PLCXD2: variants seen among roughly 807,000 people sequenced by gnomAD.
PLCXD2 encodes the protein PI-PLC X domain-containing protein 2.
Under a neutral mutation model 28.6 loss-of-function variants are expected in PLCXD2, and 21 were observed. The ratio of observed to expected loss-of-function variants is 0.73; its 90% confidence interval spans 0.52 to 1.06. The LOEUF (loss-of-function observed/expected upper bound fraction) is 1.06, where lower values mean the gene tolerates loss of function less well. Among genes scored for constraint, PLCXD2 ranks in the 50% least tolerant of loss-of-function variants. The probability of loss-of-function intolerance (pLI) is 0.00; values close to 1 mark genes in which losing one functional copy is unlikely to be tolerated. For synonymous variants in PLCXD2, 140 were observed against 150.1 expected, an observed-to-expected ratio of 0.93 and a Z score of 0.49; for missense variants, 369 against 376.7, an observed-to-expected ratio of 0.98 and a Z score of 0.17.
At chr3:111,716,994 A>C (rs1024292704) in intron 3 of PLCXD2, among the ~76,000 whole-genome samples, 2 of 152,210 alleles carry the variant, frequency 1.3e-5, no homozygotes, top group Admixed American at 6.5e-5. Flanking sequence ...CTCAGGAGAC[A>C]TGAAATCTGA....
chr3:111,697,958 C>G (rs544388907), intron 1 of PLCXD2, among the ~76,000 whole-genome samples: 18 of 152,148 alleles, frequency 1.2e-4, no homozygotes, highest in African/African-American at 4.3e-4. Context: ...AAACTTACTC[C>G]TTTTGATGTT....
At chr3:111,688,252 C>T (rs1420811744) in intron 1 of PLCXD2, among the ~76,000 whole-genome samples, 1 of 152,156 alleles carries the variant, frequency 6.6e-6, no homozygotes, top group African/African-American at 2.4e-5. Context: ...CTTAAGATCA[C>T]CCTTGTTTGA....
chr3:111,723,931 T>C (rs545617794), intron 3 of PLCXD2: 9 of 152,322 alleles, frequency 5.9e-5, no homozygotes, highest in Non-Finnish European at 1.2e-4. Context: ...AAGAGGACTT[T>C]AGTTTCACAG....
intron 3 of PLCXD2, among the ~76,000 whole-genome samples, chr3:111,720,383 C>T (rs1027724201): frequency 6.6e-6 from 1 of 152,216 alleles, no homozygotes; most frequent in East Asian, 1.9e-4. Context: ...GATCCACCCA[C>T]CTCAGCCCCC....
At chr3:111,701,180 C>T (rs1941037060) in intron 1 of PLCXD2, among the ~76,000 whole-genome samples, 1 of 152,190 alleles carries the variant, frequency 6.6e-6, no homozygotes, top group African/African-American at 2.4e-5. Flanking sequence ...GCAATAATTA[C>T]AGTTCAGCAC....
At chr3:111,682,818 T>A (rs1348854226) in intron 1 of PLCXD2, among the ~76,000 whole-genome samples, 1 of 152,220 alleles carries the variant, frequency 6.6e-6, no homozygotes, top group Non-Finnish European at 1.5e-5. Context: ...TAGGTGTCCA[T>A]ATGGATCCTC....
Position 111,714,074 on chromosome 3 carries a change from T to C in PLCXD2, c.812T>C (p.Val271Ala), listed in dbSNP as rs763399667. The change falls in exon 3 of 5, where the codon GTG becomes GCG. Residue 271 changes from valine to alanine, a missense_variant. Transcript: ENST00000477665. ...TCCCAAGCGATCCTCACCCCCAGAGTGAAGACCATTGCCCGGGGCTTGGTT... is the reference window on the plus strand; with the variant it reads ...TCCCAAGCGATCCTCACCCCCAGAGCGAAGACCATTGCCCGGGGCTTGGTT... 5 of 1,613,994 alleles carry C rather than the reference T, an allele frequency of 3.1e-6. No homozygotes were observed. The African/African-American group carries it at 6.7e-5, about 22-fold the overall frequency.
At chr3:111,697,997 C>T (rs962284580) in intron 1 of PLCXD2, among the ~76,000 whole-genome samples, 6 of 152,122 alleles carry the variant, frequency 3.9e-5, no homozygotes, top group African/African-American at 1.4e-4. Flanking sequence ...AAATAAATGA[C>T]TTAAACTACA....
chr3:111,712,525 T>G (rs1038153299), intron 2 of PLCXD2, among the ~76,000 whole-genome samples: 2 of 152,208 alleles, frequency 1.3e-5, no homozygotes, highest in Non-Finnish European at 2.9e-5. Flanking sequence ...ACAGACGTCA[T>G]TAGCAGTCAG....
chr3:111,707,294 A>T (rs1941134634), intron 1 of PLCXD2, among the ~76,000 whole-genome samples: 1 of 152,208 alleles, frequency 6.6e-6, no homozygotes, highest in African/African-American at 2.4e-5. Context: ...TAGTAAAATA[A>T]TATATACAAT....
intron 1 of PLCXD2, among the ~76,000 whole-genome samples, chr3:111,694,064 C>T (rs945960521): frequency 6.6e-5 from 10 of 152,230 alleles, no homozygotes; most frequent in Non-Finnish European, 1.2e-4. Context: ...TGAAAGTATA[C>T]TGCAGCTTTG....
rs117185681 is a variant in PLCXD2, at chr3:111,684,527, G to A, written c.163+9119G>A. ...AAATTAGCCAGGCATGATGGCGGGC[G>A]TCTGTAATTCCAGCTACCTGGGAGA... is the stretch of plus-strand genomic sequence containing the variant. On this transcript the variant is annotated intron_variant, in intron 1 of 4. Coordinates refer to ENST00000477665, the MANE Select transcript of PLCXD2 (RefSeq NM_001185106.1). 5.6e-3 allele frequency among the ~76,000 whole-genome samples: 850 copies of A among 151,704 alleles called. 3 individuals carry two copies. The highest frequency in any genetic ancestry group is 0.015 in the East Asian group (76 of 5,142).
At chr3:111,677,917 C>T (rs1386582281) in intron 1 of PLCXD2, among the ~76,000 whole-genome samples, 1 of 152,030 alleles carries the variant, frequency 6.6e-6, no homozygotes, top group Admixed American at 6.5e-5. Flanking sequence ...TATACATATG[C>T]CTGTTTAGAA....
intron 1 of PLCXD2, among the ~76,000 whole-genome samples, chr3:111,685,502 G>T (rs897453474): frequency 2.0e-5 from 3 of 152,108 alleles, no homozygotes; most frequent in Admixed American, 1.3e-4. Flanking sequence ...GACATCTCAG[G>T]TTGCACCAAT....
chr3:111,677,009 A>T (rs1312334887), intron 1 of PLCXD2: 1 of 152,306 alleles, frequency 6.6e-6, no homozygotes, highest in Non-Finnish European at 1.5e-5. Flanking sequence ...GATATCTCAC[A>T]GTTACTAGAA....
intron 2 of PLCXD2, among the ~76,000 whole-genome samples, chr3:111,708,911 G>A (rs1475156101): frequency 6.6e-6 from 1 of 152,150 alleles, no homozygotes; most frequent in African/African-American, 2.4e-5. Context: ...GCCTGTTGAA[G>A]GGGCTGCAGC....
At chr3:111,706,712 G>A (rs1275687290) in intron 1 of PLCXD2, among the ~76,000 whole-genome samples, 1 of 149,982 alleles carries the variant, frequency 6.7e-6, no homozygotes, top group South Asian at 2.1e-4. Flanking sequence ...AAAGGCACAC[G>A]TAGACTGAAA....
At chr3:111,712,043 TG>T (rs1254510337) in intron 2 of PLCXD2, among the ~76,000 whole-genome samples, 1 of 151,482 alleles carries the variant, frequency 6.6e-6, no homozygotes, top group East Asian at 1.9e-4. Flanking sequence ...AGACAGAGGT[TG>T]GGGGGAGAGG....
At chr3:111,715,943 C>T (rs893934884) in intron 3 of PLCXD2, among the ~76,000 whole-genome samples, 5 of 152,214 alleles carry the variant, frequency 3.3e-5, no homozygotes. Flanking sequence ...CATATCTGTA[C>T]ATTCCTAAAA....
Sources: allele counts gnomAD v4.1 joint callset (sites outside exome capture counted in the v4.1 genomes callset), GRCh38; gene constraint gnomAD v4.1.1; transcripts MANE v1.5; gene names NCBI Gene and HGNC (gene_info 2026-07-23, HGNC 2026-07-21).